Variants in RBSN observed in about 807,000 individuals in gnomAD.
RBSN encodes rabenosyn, RAB effector.
Under a neutral mutation model 60.5 loss-of-function variants are expected in RBSN, and 34 were observed. That is an observed-to-expected ratio of 0.56 (90% CI 0.43 to 0.75). The LOEUF (loss-of-function observed/expected upper bound fraction) is 0.75, where lower values mean the gene tolerates loss of function less well. Ranked by LOEUF, RBSN falls within the 30% of genes least tolerant of loss-of-function variation. The pLI is 0.00. For missense variants in RBSN, 845 were observed against 986.8 expected (o/e 0.86, Z 1.92); for synonymous variants, 322 against 366.9 (o/e 0.88, Z 1.40).
chr3:15,090,949 C>T (rs1026956301), intron 4 of RBSN, among the ~76,000 whole-genome samples: 13 of 151,654 alleles, frequency 8.6e-5, no homozygotes, highest in African/African-American at 1.5e-4. Flanking sequence ...TTGGGCCAGG[C>T]GCAGTGGCTC....
Position 15,081,030 on chromosome 3 carries a change from T to C in RBSN, c.841-228A>G, listed in dbSNP as rs191196269. 1.1e-3 allele frequency: 549 copies of C among 507,462 alleles called. 2 individuals are homozygous for C. Among genetic ancestry groups the C allele is most frequent in the African/African-American group, 9.9e-3 (514 of 51,924 alleles). The allele number at this position is 507,462 out of a possible 1,614,324, so 31.4% of individuals were successfully genotyped here. On this transcript the variant is annotated intron_variant, in intron 9 of 13. Transcript: ENST00000253699. The stretch of plus-strand genomic sequence containing the variant: ...ATCAGATGTTTCGTTTTGTTTTTTT[T>C]TGAGAAGGAATTTTGTTCTGTCACC...
In RBSN at chr3:15,090,505, C is replaced by A. The variant is rs1321340731; in HGVS notation, c.183G>T (p.Arg61Ser). The change falls in exon 5 of 14, where the codon AGG becomes AGT. Residue 61 changes from arginine (R) to serine (S), a missense_variant. Transcript: ENST00000253699. ...GATCATCCCCTTCTCGTTTCAACAA[C>A]CTGTCCTTTGCTTTTTTAGCCTTCT... ...LVQKAKKAKD[R>S]LLKREGDDRA... is the part of the protein sequence containing the mutation. 6.2e-7 allele frequency: 1 copy of A among 1,614,182 alleles called. No individual in the cohort carries two copies. The highest frequency in any genetic ancestry group is 1.7e-5 in the Admixed American group (1 of 60,026).
intron 5 of RBSN, among the ~76,000 whole-genome samples, chr3:15,087,703 C>T (rs1272360069): frequency 6.6e-6 from 1 of 152,144 alleles, no homozygotes; most frequent in East Asian, 1.9e-4. Flanking sequence ...TCACTGCAAT[C>T]TCCACCTCCC....
intron 8 of RBSN, among the ~76,000 whole-genome samples, chr3:15,083,998 ATGCCTTATAGGCTT>A (rs2043274655): frequency 1.3e-5 from 2 of 152,370 alleles, no homozygotes; most frequent in South Asian, 4.1e-4. Flanking sequence ...AGAATGGACA[ATGCCTTATAGGCTT>A]ATAGGCCAGA....
At chr3:15,088,997 T>A (rs938165129) in intron 5 of RBSN, among the ~76,000 whole-genome samples, 1 of 152,030 alleles carries the variant, frequency 6.6e-6, no homozygotes, top group Non-Finnish European at 1.5e-5. Context: ...AGTTTCCTCA[T>A]CCATAAATGG....
chr3:15,078,823 T>TATAC (rs1553591628), intron 10 of RBSN, among the ~76,000 whole-genome samples: 5 of 109,236 alleles, frequency 4.6e-5, no homozygotes, highest in South Asian at 3.0e-4. Context: ...TATATATATA[T>TATAC]ACATGGTTTT....
chr3:15,085,142 A>G (rs1008955050), intron 6 of RBSN, 97 bp from the exon 7 acceptor site: 2 of 1,383,544 alleles, frequency 1.4e-6, no homozygotes, highest in Admixed American at 1.8e-5. Context: ...GCACATTTGC[A>G]TTCCTCAAGT....
chr3:15,087,587 T>C (rs2043380172), intron 5 of RBSN, among the ~76,000 whole-genome samples: 1 of 152,180 alleles, frequency 6.6e-6, no homozygotes, highest in Non-Finnish European at 1.5e-5. Context: ...GGCTGAAATT[T>C]TGTATCCTTC....
chr3:15,081,555 A>C (rs2043204960), intron 9 of RBSN: 1 of 152,336 alleles, frequency 6.6e-6, no homozygotes, highest in South Asian at 2.1e-4. Context: ...AATTGACACC[A>C]TTTCTAGTAG....
chr3:15,087,066 C>T (rs1462469901), intron 5 of RBSN, among the ~76,000 whole-genome samples: 1 of 152,190 alleles, frequency 6.6e-6, no homozygotes, highest in African/African-American at 2.4e-5. Context: ...TGCATATATT[C>T]ACCGTGTACA....
Position 15,074,118 on chromosome 3 carries a change from T to C in RBSN, c.2019A>G (p.Ala673=). 1 of 1,614,158 alleles carries C rather than the reference T, an allele frequency of 6.2e-7. No homozygotes were observed. Among genetic ancestry groups the C allele is most frequent in the Non-Finnish European group, 8.5e-7 (1 of 1,180,024 alleles). Residue 673 remains alanine (A), a synonymous_variant, in exon 14 of 14, where the codon GCA becomes GCG. Coordinates refer to ENST00000253699, the MANE Select transcript of RBSN (RefSeq NM_022340.4). This position sits in a 1 kb window ranked among gnomAD's most constrained non-coding sequence, Gnocchi z 6.4. ...GCTGAATGAATGGATTCCCTGCCAC[T>C]GCTTCCTCCTCCTCGTCCTCTTCCT... ...PFEEEDEEEE[A]VAGNPFIQPD... is the part of the protein sequence containing the mutation.
At position 15,077,286 on chromosome 3, in the gene RBSN, G is replaced by A. The variant is rs967694222; in HGVS notation, c.999-122C>T. 1 of 810,850 alleles carries A rather than the reference G, an allele frequency of 1.2e-6. No individual in the cohort carries two copies. Among genetic ancestry groups the A allele is most frequent in the Admixed American group, 2.2e-5 (1 of 46,488 alleles). 50.2% of individuals were successfully genotyped at this position (810,850 alleles called of 1,614,324 possible). On this transcript the variant is annotated intron_variant, in intron 11 of 13. Coordinates refer to ENST00000253699, the MANE Select transcript of RBSN (RefSeq NM_022340.4). This position sits in a 1 kb window ranked among gnomAD's most constrained non-coding sequence, Gnocchi z 4.4. ...GGAAGGTGTGTAAAGATGGACAAGT[G>A]ACTCCATTGAAGTTTCTTTGAAGGC...
In RBSN at chr3:15,089,479, A is replaced by AAAAAAAAAAAAAAAAAAC. The variant is rs2043447184; in HGVS notation, c.289+919_289+920insGTTTTTTTTTTTTTTTTT. Among the ~76,000 whole-genome samples the AAAAAAAAAAAAAAAAAAC allele has an allele frequency of 9.4e-4, 98 of 104,004 alleles. 1 individual carries two copies. Among genetic ancestry groups the AAAAAAAAAAAAAAAAAAC allele is most frequent in the Non-Finnish European group, 1.2e-3 (71 of 59,302 alleles). The allele number at this position is 104,004 out of a possible 152,430, so 68.2% of individuals were successfully genotyped here. A position where few individuals can be genotyped will look rare whatever the true frequency, so the allele number is the denominator to read the frequency against. On this transcript the variant is annotated intron_variant, in intron 5 of 13. Transcript: ENST00000253699. ...TCCAAAAAAAAAAAAAAAAAAAAAC[A>AAAAAAAAAAAAAAAAAAC]AAAAAAAAAAACAGATATGTAAGAT...
At chr3:15,092,248 A>G (rs950090793) in intron 4 of RBSN, among the ~76,000 whole-genome samples, 22 of 151,910 alleles carry the variant, frequency 1.4e-4, no homozygotes, top group African/African-American at 4.8e-4. Context: ...GGTGAGATTG[A>G]TAAGAATACA....
At chr3:15,094,890 TAA>T (rs2043610499) in intron 4 of RBSN, among the ~76,000 whole-genome samples, 1 of 152,218 alleles carries the variant, frequency 6.6e-6, no homozygotes, top group Non-Finnish European at 1.5e-5. Flanking sequence ...TCTCTCCCAA[TAA>T]AGACTTTGAA....
rs144261272 is a variant in RBSN at position 15,082,471 on chromosome 3, C to T, written c.736G>A (p.Asp246Asn). Residue 246 changes from aspartate to asparagine, a missense_variant, in exon 9 of 14, where the codon GAT becomes AAT. By Grantham distance (23) the Asp-to-Asn change is conservative (BLOSUM62 1). Coordinates refer to ENST00000253699, the MANE Select transcript of RBSN (RefSeq NM_022340.4). This position sits in a 1 kb window ranked among gnomAD's most constrained non-coding sequence, Gnocchi z 4.2. ...SVSSVLDEKDDDRIRCCTHCK... is the reference protein window; with the variant it reads ...SVSSVLDEKDNDRIRCCTHCK... The stretch of plus-strand genomic sequence containing the variant: ...TGTGTACAGCAGCGGATCCGGTCAT[C>T]GTCCTTCTCATCCAGGACCGAGCTG... 3.3e-5 allele frequency: 53 copies of T among 1,614,164 alleles called. No individual in the cohort carries two copies. The African/African-American group carries it at 6.1e-4, about 19-fold the overall frequency.
chr3:15,086,062 G>T, intron 5 of RBSN, 101 bp from the exon 6 acceptor site: 1 of 651,600 alleles, frequency 1.5e-6, no homozygotes, highest in Non-Finnish European at 2.6e-6. Context: ...AAAGCAGGTT[G>T]GTCAACATAG....
rs528024046 is a variant in RBSN at position 15,075,678 on chromosome 3, G to A, written c.1134C>T (p.Thr378=). 1 of 1,614,054 alleles carries A rather than the reference G, an allele frequency of 6.2e-7. No homozygotes were observed. The highest frequency in any genetic ancestry group is 1.3e-5 in the African/African-American group (1 of 74,992). Residue 378 remains threonine (T), a synonymous_variant, in exon 13 of 14, where the codon ACC becomes ACT. Coordinates refer to ENST00000253699, the MANE Select transcript of RBSN (RefSeq NM_022340.4). ...EKLLGLMSLP[T]KEQFEELKKK... ...TTTTCAGTTCCTCAAACTGTTCTTTGGTTGGCAGTGACATCAAACCAAGCA... is the reference window on the plus strand; with the variant it reads ...TTTTCAGTTCCTCAAACTGTTCTTTAGTTGGCAGTGACATCAAACCAAGCA...
chr3:15,091,883 C>T lies in RBSN; in HGVS notation c.149-1344G>A, dbSNP rs143747993. ...AACTGAACAATCAGCTGGTGTGGGG[C>T]GGGAAGAATTCTCAGTTCTAAGACG... On this transcript the variant is annotated intron_variant, in intron 4 of 13. Transcript: ENST00000253699. Among the ~76,000 whole-genome samples, 710 of 152,244 alleles carry T rather than the reference C, an allele frequency of 4.7e-3. 7 individuals carry two copies. The highest frequency in any genetic ancestry group is 0.016 in the African/African-American group (674 of 41,522).
Sources: allele counts gnomAD v4.1 joint callset (sites outside exome capture counted in the v4.1 genomes callset), GRCh38; gene constraint gnomAD v4.1.1; non-coding constraint Gnocchi (gnomAD v3.1); transcripts MANE v1.5; gene names NCBI Gene and HGNC (gene_info 2026-07-23, HGNC 2026-07-21).